Variants in PPHLN1 observed in about 807,000 individuals in gnomAD.
PPHLN1 encodes periphilin 1.
PPHLN1 carries 29 observed loss-of-function variants against 51.3 expected under a neutral mutation model. The observed-to-expected ratio is 0.57, with a 90% CI of 0.42 to 0.77. The LOEUF is 0.77. PPHLN1 is among the 30% of genes least tolerant of loss of function. The pLI is 0.00. For missense variants in PPHLN1, 436 were observed against 438.4 expected, an observed-to-expected ratio of 0.99 and a Z score of 0.05; for synonymous variants, 147 against 147.8, an observed-to-expected ratio of 0.99 and a Z score of 0.04.
intron 9 of PPHLN1, among the ~76,000 whole-genome samples, chr12:42,413,328 A>G (rs564516031): frequency 2.0e-5 from 3 of 152,204 alleles, no homozygotes; most frequent in Non-Finnish European, 4.4e-5. Context: ...TCATTCTTCT[A>G]TATGTGGCTA....
At chr12:42,426,207 CA>C (rs1566010145) in intron 9 of PPHLN1, among the ~76,000 whole-genome samples, 3,010 of 150,530 alleles carry the variant, frequency 0.02, 125 homozygotes, top group African/African-American at 0.07. Flanking sequence ...CACACACACA[CA>C]CACACACACA....
chr12:42,429,178 G>C (rs139605677), intron 9 of PPHLN1, among the ~76,000 whole-genome samples: 3 of 151,912 alleles, frequency 2.0e-5, no homozygotes, highest in African/African-American at 7.3e-5. Context: ...TTGCATCTTA[G>C]AAATTCTTTT....
chr12:42,432,441 T>C, intron 9 of PPHLN1: 1 of 760,660 alleles, frequency 1.3e-6, no homozygotes, highest in East Asian at 2.5e-5. Flanking sequence ...AATGGAATCA[T>C]ACTGTCTTCT....
At chr12:42,432,151 G>A (rs1310028937) in intron 9 of PPHLN1, 2 of 998,402 alleles carry the variant, frequency 2.0e-6, no homozygotes, top group African/African-American at 1.6e-5. Flanking sequence ...CGGCTGTCTC[G>A]ATCATCTTCT....
At chr12:42,442,883 G>A (rs1356804301), downstream of PPHLN1, 24 of 1,321,412 alleles carry the variant, frequency 1.8e-5, no homozygotes, top group South Asian at 6.2e-5. Context: ...GCAGAGCCTC[G>A]GTTTCGCAGG....
At chr12:42,445,704 C>T (rs910872126), downstream of PPHLN1, 3 of 318,858 alleles carry the variant, frequency 9.4e-6, no homozygotes, top group Non-Finnish European at 1.7e-5. Flanking sequence ...CGTAGTAGAA[C>T]GTGCCCACTT....
intron 5 of PPHLN1, among the ~76,000 whole-genome samples, chr12:42,377,356 G>T (rs2076364667): frequency 6.8e-6 from 1 of 146,774 alleles, no homozygotes; most frequent in African/African-American, 2.5e-5. Context: ...ACCCAGGCTG[G>T]AGTGCAGTGG....
intron 9 of PPHLN1, among the ~76,000 whole-genome samples, chr12:42,428,467 G>A (rs11181500): frequency 0.06 from 9,197 of 152,192 alleles, 400 homozygotes; most frequent in East Asian, 0.2. Context: ...TGGAATGAGC[G>A]GGGTGAGATT....
chr12:42,422,172 A>C (rs1377324845), intron 9 of PPHLN1, among the ~76,000 whole-genome samples: 1 of 152,236 alleles, frequency 6.6e-6, no homozygotes, highest in Non-Finnish European at 1.5e-5. Context: ...CAAATGATTT[A>C]GTGTTTTTCA....
At chr12:42,428,278 G>C (rs572241866) in intron 9 of PPHLN1, among the ~76,000 whole-genome samples, 1 of 152,274 alleles carries the variant, frequency 6.6e-6, no homozygotes, top group Non-Finnish European at 1.5e-5. Context: ...CAGAGGAAAA[G>C]AAGTCATTAT....
At chr12:42,390,628 A>T (rs1052934259) in intron 7 of PPHLN1, among the ~76,000 whole-genome samples, 2 of 151,820 alleles carry the variant, frequency 1.3e-5, no homozygotes, top group Non-Finnish European at 2.9e-5. Context: ...ATACAGCCCA[A>T]CACAAATTCC....
chr12:42,433,514 G>A (rs925723008), intron 9 of PPHLN1, among the ~76,000 whole-genome samples: 1 of 152,096 alleles, frequency 6.6e-6, no homozygotes, highest in Admixed American at 6.6e-5. Flanking sequence ...TAGTAGAGAC[G>A]GGGTTTCACT....
At chr12:42,334,735 G>T (rs2070330645) in intron 1 of PPHLN1, among the ~76,000 whole-genome samples, 1 of 152,170 alleles carries the variant, frequency 6.6e-6, no homozygotes, top group African/African-American at 2.4e-5. Flanking sequence ...TGGTTCTTCT[G>T]TACATCAGGA....
intron 2 of PPHLN1, among the ~76,000 whole-genome samples, chr12:42,340,779 T>C (rs1045489231): frequency 6.6e-6 from 1 of 152,212 alleles, no homozygotes; most frequent in East Asian, 1.9e-4. Flanking sequence ...TTGTACACTT[T>C]TTTATATGTA....
At position 42,330,955 on chromosome 12, in the gene PPHLN1, C is replaced by T. The variant is rs191836933; in HGVS notation, c.-21+4726C>T. On this transcript the variant is annotated intron_variant, in intron 1 of 9. Coordinates refer to ENST00000358314, the MANE Select transcript of PPHLN1 (RefSeq NM_201439.2). ...CAATCTCCTGACCTTGTGATCCGCG[C>T]GCCTCGGCCTCCCAAAGTGCTGGGA... is the stretch of plus-strand genomic sequence containing the variant. 1.9e-3 allele frequency among the ~76,000 whole-genome samples: 283 copies of T among 152,318 alleles called. 1 individual carries two copies. Among genetic ancestry groups the T allele is most frequent in the African/African-American group, 6.4e-3 (266 of 41,562 alleles).
At chr12:42,391,137 G>A (rs1023868085) in intron 7 of PPHLN1, among the ~76,000 whole-genome samples, 1 of 152,128 alleles carries the variant, frequency 6.6e-6, no homozygotes, top group African/African-American at 2.4e-5. Flanking sequence ...TAACATTATG[G>A]CTGCCCATAT....
intron 4 of PPHLN1, among the ~76,000 whole-genome samples, chr12:42,370,219 T>G (rs2075674257): frequency 6.6e-6 from 1 of 152,228 alleles, no homozygotes; most frequent in Non-Finnish European, 1.5e-5. Context: ...TTAGAGATTC[T>G]GATTCAGCTG....
chr12:42,420,016 G>A (rs2139673862), intron 9 of PPHLN1, among the ~76,000 whole-genome samples: 1 of 152,270 alleles, frequency 6.6e-6, no homozygotes, highest in African/African-American at 2.4e-5. Context: ...TTATATTTAG[G>A]TTGTTCCAAT....
At chr12:42,344,906 C>T (rs2072059182) in intron 2 of PPHLN1, among the ~76,000 whole-genome samples, 1 of 151,984 alleles carries the variant, frequency 6.6e-6, no homozygotes, top group Non-Finnish European at 1.5e-5. Context: ...GATGGGGTTT[C>T]ACCATGTTAG....
Sources: gnomAD v4.1 joint callset for allele counts (sites outside exome capture counted in the v4.1 genomes callset) on GRCh38, gnomAD v4.1.1 for gene constraint, MANE v1.5 for transcripts, NCBI Gene and HGNC (gene_info 2026-07-23, HGNC 2026-07-21) for gene names.